Variants in RAPGEF4 observed in about 807,000 individuals in gnomAD.
The protein encoded by RAPGEF4 is RAP guanine-nucleotide-exchange factor (GEF) 4.
Under a neutral mutation model 147.9 loss-of-function variants are expected in RAPGEF4, and 66 were observed. That is an observed-to-expected ratio of 0.45 (90% CI 0.37 to 0.55). The LOEUF is 0.55. RAPGEF4 is among the 20% of genes least tolerant of loss of function. The probability of loss-of-function intolerance (pLI) is 0.00; values close to 1 mark genes in which losing one functional copy is unlikely to be tolerated. For missense variants in RAPGEF4, 1,071 were observed against 1,257.3 expected, an observed-to-expected ratio of 0.85 and a Z score of 2.24; for synonymous variants, 419 against 442.7, an observed-to-expected ratio of 0.95 and a Z score of 0.67.
At chr2:173,019,719 C>T (rs1165326908) in intron 22 of RAPGEF4, among the ~76,000 whole-genome samples, 1 of 152,158 alleles carries the variant, frequency 6.6e-6, no homozygotes, top group South Asian at 2.1e-4. Flanking sequence ...GGATGTCTGC[C>T]CTCCCTGACC....
chr2:172,812,872 C>G (rs1688160680), intron 3 of RAPGEF4, among the ~76,000 whole-genome samples: 1 of 152,210 alleles, frequency 6.6e-6, no homozygotes, highest in Non-Finnish European at 1.5e-5. Flanking sequence ...TTATCATAAT[C>G]TATCTTGTGT....
rs1689755607 is a variant in RAPGEF4, at chr2:172,965,673, T to G, written c.810T>G (p.Val270=). The G allele has an allele frequency of 4.3e-6, 7 of 1,614,020 alleles. 1 individual carries two copies. The South Asian group carries it at 4.4e-5, about 10-fold the overall frequency. ...GMWQVLLEDG[V]LNHVDQEHHF... is the part of the protein sequence containing the mutation. The stretch of plus-strand genomic sequence containing the variant: ...GGCAAGTCCTGTTAGAAGATGGTGT[T>G]CTCAACCACGGTAAGATGAGCCCCA... Residue 270 remains valine, a synonymous_variant, in exon 9 of 31, where the codon GTT becomes GTG. Transcript: ENST00000397081.
At chr2:172,811,309 C>G (rs72908130) in intron 3 of RAPGEF4, among the ~76,000 whole-genome samples, 16,496 of 152,310 alleles carry the variant, frequency 0.11, 944 homozygotes, top group South Asian at 0.18. Context: ...GCTAAACCAC[C>G]ATCACATATT....
At chr2:172,907,058 C>G (rs1159077308) in intron 4 of RAPGEF4, among the ~76,000 whole-genome samples, 3 of 152,166 alleles carry the variant, frequency 2.0e-5, no homozygotes, top group Non-Finnish European at 4.4e-5. Context: ...GGGTTTATCC[C>G]CACCACCCCT....
At chr2:172,763,410 C>T (rs1408217306) in intron 1 of RAPGEF4, among the ~76,000 whole-genome samples, 3 of 152,144 alleles carry the variant, frequency 2.0e-5, no homozygotes, top group East Asian at 1.9e-4. Context: ...GGACACTGAA[C>T]AGAGGGGTGT....
intron 7 of RAPGEF4, 46 bp downstream of exon 7, chr2:172,960,859 A>C: frequency 6.8e-7 from 1 of 1,480,338 alleles, no homozygotes; most frequent in Non-Finnish European, 9.3e-7. Flanking sequence ...CTAGCTTCTT[A>C]AGTACCTCTG....
chr2:172,876,590 G>A (rs868783619), intron 4 of RAPGEF4, among the ~76,000 whole-genome samples: 1 of 152,220 alleles, frequency 6.6e-6, no homozygotes, highest in Middle Eastern at 3.4e-3. Context: ...TGCATCCCAG[G>A]GATGAAGCCC....
At chr2:173,011,159 A>AGCGCGCGCGC (rs147557642) in intron 17 of RAPGEF4, among the ~76,000 whole-genome samples, 23 of 128,410 alleles carry the variant, frequency 1.8e-4, no homozygotes, top group African/African-American at 5.8e-4. Flanking sequence ...TTGGAACTTC[A>AGCGCGCGCGC]GCGCGCGCGC....
chr2:173,017,344 G>A, intron 20 of RAPGEF4, 82 bp from the exon 21 acceptor site: 1 of 1,498,828 alleles, frequency 6.7e-7, no homozygotes, highest in Non-Finnish European at 9.3e-7. Flanking sequence ...GACTCTGCTT[G>A]CTTCTCAGAT....
intron 4 of RAPGEF4, among the ~76,000 whole-genome samples, chr2:172,825,764 T>C (rs1232305421): frequency 6.6e-6 from 1 of 152,206 alleles, no homozygotes; most frequent in East Asian, 1.9e-4. Flanking sequence ...ATATTCATGA[T>C]TAAAAAAATT....
rs567559303 is a variant in RAPGEF4, at chr2:172,945,693, CT to C, written c.538-15066del. 7.0e-4 allele frequency among the ~76,000 whole-genome samples: 107 copies of C among 152,122 alleles called. 1 individual carries two copies. The highest frequency in any genetic ancestry group is 2.6e-3 in the African/African-American group (106 of 41,504). ...GTTACTATGCTATTAAAATAATGGC[CT>C]AAGGCAGTTTACATAGCATGCATTT... On this transcript the variant is annotated intron_variant, in intron 6 of 30. Transcript: ENST00000397081.
chr2:172,867,721 C>G (rs1694799793), intron 4 of RAPGEF4, among the ~76,000 whole-genome samples: 1 of 152,174 alleles, frequency 6.6e-6, no homozygotes, highest in Admixed American at 6.5e-5. Flanking sequence ...AGAACTAAAT[C>G]CACTGGCCTT....
chr2:172,936,438 T>C (rs1220812506), intron 6 of RAPGEF4, among the ~76,000 whole-genome samples: 2 of 152,174 alleles, frequency 1.3e-5, no homozygotes, highest in Non-Finnish European at 2.9e-5. Flanking sequence ...TATAGGAAAA[T>C]GTATACAAAT....
intron 1 of RAPGEF4, among the ~76,000 whole-genome samples, chr2:172,756,336 A>T (rs1408129437): frequency 6.6e-6 from 1 of 152,198 alleles, no homozygotes; most frequent in Admixed American, 6.5e-5. Context: ...GCCTTACTGC[A>T]CTGCCTAGCC....
At chr2:172,809,564 T>C (rs1559052389) in intron 3 of RAPGEF4, among the ~76,000 whole-genome samples, 1 of 152,192 alleles carries the variant, frequency 6.6e-6, no homozygotes, top group Non-Finnish European at 1.5e-5. Context: ...AGAGTCTTGC[T>C]GTGACTCCCA....
intron 15 of RAPGEF4, among the ~76,000 whole-genome samples, chr2:172,991,387 T>G (rs1692824643): frequency 6.6e-6 from 1 of 152,140 alleles, no homozygotes; most frequent in Admixed American, 6.5e-5. Context: ...TATAAAACAG[T>G]CTATTGATTT....
At chr2:172,930,610 A>G (rs1685820870) in intron 6 of RAPGEF4, among the ~76,000 whole-genome samples, 1 of 152,186 alleles carries the variant, frequency 6.6e-6, no homozygotes, top group African/African-American at 2.4e-5. Context: ...AGGTCATTTT[A>G]AATTTCAAAC....
rs71018521 is a variant in RAPGEF4, at chr2:172,831,266, C to CTT, written c.444+16859_444+16860dup. Among the ~76,000 whole-genome samples, 159 of 53,892 alleles carry CTT rather than the reference C, an allele frequency of 3.0e-3. 14 individuals are homozygous for CTT. The highest frequency in any genetic ancestry group is 3.7e-3 in the Non-Finnish European group (104 of 28,100). 35.4% of individuals were successfully genotyped at this position (53,892 alleles called of 152,430 possible). ...AAATGTGACTGTTTCAGATAGAAAA[C>CTT]TTTTTTTTTTTTTTTTTTTGAGACA... is the stretch of plus-strand genomic sequence containing the variant. On this transcript the variant is annotated intron_variant, in intron 4 of 30. Transcript: ENST00000397081.
At chr2:172,841,755 C>T (rs1352252743) in intron 4 of RAPGEF4, among the ~76,000 whole-genome samples, 3 of 151,012 alleles carry the variant, frequency 2.0e-5, no homozygotes, top group Non-Finnish European at 4.4e-5. Flanking sequence ...GGAACAATTC[C>T]CCAAACAGAC....
Sources: gnomAD v4.1 joint callset for allele counts (sites outside exome capture counted in the v4.1 genomes callset) on GRCh38, gnomAD v4.1.1 for gene constraint, MANE v1.5 for transcripts, NCBI Gene and HGNC (gene_info 2026-07-23, HGNC 2026-07-21) for gene names.